The following ABLIM1 variants were observed in gnomAD, a reference collection of about 807,000 sequenced individuals.
ABLIM1 encodes the protein actin binding LIM protein 1.
ABLIM1 carries 40 observed loss-of-function variants against 107.0 expected under a neutral mutation model. That is an observed-to-expected ratio of 0.37 (90% confidence interval 0.29 to 0.49). The LOEUF (loss-of-function observed/expected upper bound fraction) is 0.49. ABLIM1 is among the 20% of genes least tolerant of loss of function. The pLI is 0.97. For synonymous variants in ABLIM1, 357 were observed against 357.3 expected (o/e 1.00, Z 0.01); for missense variants, 857 against 1,008.5 (o/e 0.85, Z 2.04).
chr10:114,593,746 C>G (rs1385071002), intron 2 of ABLIM1, among the ~76,000 whole-genome samples: 1 of 152,176 alleles, frequency 6.6e-6, no homozygotes, highest in African/African-American at 2.4e-5. Flanking sequence ...CCTCAGCTCA[C>G]AAGAGACTCA....
intron 3 of ABLIM1, among the ~76,000 whole-genome samples, chr10:114,572,962 C>T (rs2138852467): frequency 6.6e-6 from 1 of 152,322 alleles, no homozygotes; most frequent in East Asian, 1.9e-4. Context: ...TCGCTTACCC[C>T]ACCCAAGCCC....
chr10:114,690,489 G>T (rs2081052145), intron 1 of ABLIM1: 17 of 1,562,214 alleles, frequency 1.1e-5, no homozygotes, highest in Non-Finnish European at 1.4e-5. Context: ...GTGAAAGCGG[G>T]AGCCCTTACA....
chr10:114,631,830 G>T (rs527558670), intron 1 of ABLIM1: 2 of 1,285,940 alleles, frequency 1.6e-6, no homozygotes, highest in African/African-American at 1.5e-5. Flanking sequence ...ATCATTCCCC[G>T]TTAGGTGGCC....
In ABLIM1 at chr10:114,619,505, A is replaced by AT. The variant is rs1235473037; in HGVS notation, c.245-17545dup. On this transcript the variant is annotated intron_variant, in intron 1 of 22. Coordinates refer to ENST00000533213, the MANE Select transcript of ABLIM1 (RefSeq NM_002313.7). The surrounding 1 kb of genome is among the most constrained non-coding windows in gnomAD (Gnocchi z 4.1). The stretch of plus-strand genomic sequence containing the variant: ...AGCCACTGTGCCTGGCTGAAATGAT[A>AT]TTTTTTTTCTGGAAAAGCTCTTACA... Among the ~76,000 whole-genome samples, 18 of 151,924 alleles carry AT rather than the reference A, an allele frequency of 1.2e-4. 1 individual carries two copies. Among genetic ancestry groups the AT allele is most frequent in the Admixed American group, 7.9e-4 (12 of 15,260 alleles).
chr10:114,716,444 C>A (rs771600328), intron 1 of ABLIM1, among the ~76,000 whole-genome samples: 2 of 148,374 alleles, frequency 1.3e-5, no homozygotes, highest in Non-Finnish European at 3.0e-5. Context: ...CACACACACA[C>A]CCCTCCCCAC....
At chr10:114,768,375 G>A (rs2082958238), upstream of ABLIM1, among the ~76,000 whole-genome samples, 1 of 150,508 alleles carries the variant, frequency 6.6e-6, no homozygotes, top group African/African-American at 2.4e-5. Flanking sequence ...CTGCCGCGGC[G>A]CCGGGCGGGG....
chr10:114,604,901 G>A (rs1017294769), intron 1 of ABLIM1, among the ~76,000 whole-genome samples: 17 of 152,212 alleles, frequency 1.1e-4, no homozygotes, highest in Admixed American at 3.9e-4. Flanking sequence ...CTCTATGTCC[G>A]AACAAAGGAG....
chr10:114,555,040 T>C (rs565697815), intron 4 of ABLIM1, among the ~76,000 whole-genome samples: 1 of 152,286 alleles, frequency 6.6e-6, no homozygotes, highest in African/African-American at 2.4e-5. Context: ...ATGTAAACAC[T>C]TGGTGTCTCT....
intron 1 of ABLIM1, among the ~76,000 whole-genome samples, chr10:114,611,025 C>T (rs1269125811): frequency 6.6e-6 from 1 of 151,904 alleles, no homozygotes; most frequent in Non-Finnish European, 1.5e-5. Context: ...TGGTGGCACA[C>T]ACCTGTTATT....
At chr10:114,775,858 T>C in the ABLIM1 span, 1 of 152,222 alleles carries the variant, frequency 6.6e-6, no homozygotes, top group Non-Finnish European at 1.5e-5. Context: ...ATGTTCCTAA[T>C]ATATAGGCAG....
intron 14 of ABLIM1, 78 bp downstream of exon 14, chr10:114,451,546 A>G: frequency 1.5e-6 from 2 of 1,353,812 alleles, no homozygotes; most frequent in South Asian, 2.3e-5. Context: ...GCAGCAGGAA[A>G]AGCCTTTCAG....
At chr10:114,488,870 C>T (rs1435929954) in intron 7 of ABLIM1, among the ~76,000 whole-genome samples, 1 of 152,182 alleles carries the variant, frequency 6.6e-6, no homozygotes, top group African/African-American at 2.4e-5. Context: ...TGTAAGGACA[C>T]ATTCAAGTGT....
chr10:114,712,119 A>G (rs944341305), intron 1 of ABLIM1, among the ~76,000 whole-genome samples: 4 of 152,176 alleles, frequency 2.6e-5, no homozygotes, highest in Admixed American at 2.0e-4. Flanking sequence ...TTGGGAGGCC[A>G]AGGTGGTTGG....
At position 114,444,013 on chromosome 10, in the gene ABLIM1, G is replaced by A. The variant is rs1386642337; in HGVS notation, c.1933+16C>T. On this transcript the variant is annotated intron_variant, in intron 17 of 22. Coordinates refer to ENST00000533213, the MANE Select transcript of ABLIM1 (RefSeq NM_002313.7). ...CTGGCTCTCGAATCAGGGAAGGTTG[G>A]GGGTTTGCTGCTTACCTGAGTTGAT... The A allele has an allele frequency of 1.9e-6, 3 of 1,595,486 alleles. No homozygotes were observed. Among genetic ancestry groups the A allele is most frequent in the Non-Finnish European group, 2.6e-6 (3 of 1,171,866 alleles).
At chr10:114,756,787 G>A (rs1217165106) in intron 1 of ABLIM1, among the ~76,000 whole-genome samples, 1 of 152,128 alleles carries the variant, frequency 6.6e-6, no homozygotes, top group Non-Finnish European at 1.5e-5. Context: ...AATATCACTT[G>A]CTTTGTAAAG....
At chr10:114,438,658 C>A (rs2059763399) in intron 21 of ABLIM1, among the ~76,000 whole-genome samples, 1 of 152,218 alleles carries the variant, frequency 6.6e-6, no homozygotes, top group African/African-American at 2.4e-5. Context: ...TCTATGGGGC[C>A]AGGCAGGCCC....
At chr10:114,453,796 G>A (rs771777165) in intron 12 of ABLIM1, among the ~76,000 whole-genome samples, 3 of 152,152 alleles carry the variant, frequency 2.0e-5, no homozygotes, top group Admixed American at 1.3e-4. Flanking sequence ...GATTGGGAGC[G>A]ATGGAAAGCT....
chr10:114,436,078 C>T lies in ABLIM1; in HGVS notation c.*182G>A. 3.4e-6 allele frequency: 2 copies of T among 580,176 alleles called. No individual in the cohort carries two copies. The allele number at this position is 580,176 out of a possible 1,614,324, so 35.9% of individuals were successfully genotyped here. ...GAAATTTCTACGCCATGCTTCTTGG[C>T]AAGTGTTACTGTTGGCTGGCCCGAC... On this transcript the variant is annotated 3_prime_UTR_variant, in exon 23 of 23. Coordinates refer to ENST00000533213, the MANE Select transcript of ABLIM1 (RefSeq NM_002313.7).
At chr10:114,726,413 C>G (rs183995431) in intron 1 of ABLIM1, among the ~76,000 whole-genome samples, 44 of 152,124 alleles carry the variant, frequency 2.9e-4, no homozygotes, top group Non-Finnish European at 6.2e-4. Context: ...CTTCAGGAAG[C>G]TTCCAATCAT....
Sources: gnomAD v4.1 joint callset for allele counts (sites outside exome capture counted in the v4.1 genomes callset) on GRCh38, gnomAD v4.1.1 for gene constraint, Gnocchi (gnomAD v3.1) non-coding constraint, MANE v1.5 for transcripts, NCBI Gene and HGNC (gene_info 2026-07-23, HGNC 2026-07-21) for gene names.